Variants in LAPTM5 observed in about 807,000 individuals in gnomAD.
LAPTM5 encodes lysosomal-associated transmembrane protein 5.
In LAPTM5, 11 loss-of-function variants were observed where a neutral mutation model predicts 30.1. The observed-to-expected ratio is 0.37, with a 90% CI of 0.23 to 0.60. The LOEUF is 0.60. LAPTM5 is among the 20% of genes least tolerant of loss of function. LAPTM5 has a pLI of 0.71. For synonymous variants in LAPTM5, 151 were observed against 137.9 expected (o/e 1.10, Z -0.67); for missense variants, 324 against 332.5 (o/e 0.97, Z 0.20).
Position 30,739,752 on chromosome 1 carries a change from C to T in LAPTM5, c.387+57G>A. The T allele has an allele frequency of 6.6e-7, 1 of 1,512,804 alleles. No homozygotes were observed. The highest frequency in any genetic ancestry group is 1.3e-5 in the South Asian group (1 of 78,558). The allele number at this position is 1,512,804 out of a possible 1,614,324, so 93.7% of individuals were successfully genotyped here. A position where few individuals can be genotyped will look rare whatever the true frequency, so the allele number is the denominator to read the frequency against. On this transcript the variant is annotated intron_variant, in intron 4 of 7. Transcript: ENST00000294507. This position sits in a 1 kb window ranked among gnomAD's most constrained non-coding sequence, Gnocchi z 4.2. The stretch of plus-strand genomic sequence containing the variant: ...GGGCCCGTGTCTGGTCCCCTCCCAT[C>T]TCCCATGCCAGACCTGGGCTCTGCT...
chr1:30,757,642 G>A lies in LAPTM5; in HGVS notation c.87+17C>T, dbSNP rs532274952. 2.7e-5 allele frequency: 44 copies of A among 1,610,912 alleles called. No individual in the cohort carries two copies. Among genetic ancestry groups the A allele is most frequent in the South Asian group, 1.1e-4 (10 of 90,522 alleles). ...CACAAGCACGCACGCACACACACCC[G>A]GGGCCCGCACACTCACCACATGGTA... On this transcript the variant is annotated intron_variant, in intron 1 of 7. Coordinates refer to ENST00000294507, the MANE Select transcript of LAPTM5 (RefSeq NM_006762.3).
chr1:30,741,522 G>A (rs3748602), intron 3 of LAPTM5, 118 bp downstream of exon 3: 12 of 540,736 alleles, frequency 2.2e-5, no homozygotes, highest in East Asian at 7.1e-5. Context: ...TCTCCAGAAC[G>A]CAGGTGGGAC....
intron 1 of LAPTM5, among the ~76,000 whole-genome samples, chr1:30,753,038 TC>T (rs1270499922): frequency 4.6e-5 from 7 of 150,632 alleles, no homozygotes; most frequent in African/African-American, 1.2e-4. Context: ...CGCCTCAACC[TC>T]CCAAAATGCT....
At chr1:30,734,528 T>C (rs757926557) in intron 7 of LAPTM5, among the ~76,000 whole-genome samples, 1 of 152,238 alleles carries the variant, frequency 6.6e-6, no homozygotes, top group Non-Finnish European at 1.5e-5. Flanking sequence ...AAGCCAGACC[T>C]ACATTTGGCT....
intron 1 of LAPTM5, among the ~76,000 whole-genome samples, chr1:30,745,410 C>T (rs1640028049): frequency 6.6e-6 from 1 of 152,186 alleles, no homozygotes; most frequent in Admixed American, 6.5e-5. Context: ...AGAGGCGCCC[C>T]CATCCCCTCT....
chr1:30,750,619 C>A (rs565256971), intron 1 of LAPTM5, among the ~76,000 whole-genome samples: 1 of 152,206 alleles, frequency 6.6e-6, no homozygotes, highest in Non-Finnish European at 1.5e-5. Context: ...CAGAACAAGG[C>A]TCTGGGGATG....
At chr1:30,740,099 A>G (rs570639698) in intron 3 of LAPTM5, among the ~76,000 whole-genome samples, 162 bp from the exon 4 acceptor site, 27 of 152,064 alleles carry the variant, frequency 1.8e-4, no homozygotes, top group Non-Finnish European at 3.7e-4. Flanking sequence ...GGGGACAGGG[A>G]GTGGATAAGA....
chr1:30,744,186 G>A (rs1640012352), intron 1 of LAPTM5, among the ~76,000 whole-genome samples: 2 of 152,124 alleles, frequency 1.3e-5, no homozygotes, highest in Non-Finnish European at 2.9e-5. Context: ...CTGCTAAAGA[G>A]TGAGCTGGAA....
At chr1:30,743,116 C>CA in intron 1 of LAPTM5, among the ~76,000 whole-genome samples, 1 of 152,324 alleles carries the variant, frequency 6.6e-6, no homozygotes, top group Non-Finnish European at 1.5e-5. Flanking sequence ...CATGGCCCCT[C>CA]AGGGAACAAT....
intron 7 of LAPTM5, among the ~76,000 whole-genome samples, chr1:30,734,704 C>T (rs893196766): frequency 6.6e-6 from 1 of 152,240 alleles, no homozygotes; most frequent in Non-Finnish European, 1.5e-5. Flanking sequence ...CTAAGCACAC[C>T]TCATCCTCTC....
chr1:30,744,881 C>G (rs187814056), intron 1 of LAPTM5, among the ~76,000 whole-genome samples: 7 of 152,290 alleles, frequency 4.6e-5, no homozygotes, highest in Admixed American at 3.9e-4. Flanking sequence ...TTCTAAATTA[C>G]ACGCATGTGT....
At chr1:30,745,330 C>T (rs1193166416) in intron 1 of LAPTM5, among the ~76,000 whole-genome samples, 2 of 152,194 alleles carry the variant, frequency 1.3e-5, no homozygotes, top group African/African-American at 2.4e-5. Flanking sequence ...CCTCCGCTGC[C>T]CGGCATCTTC....
intron 2 of LAPTM5, 77 bp downstream of exon 2, chr1:30,742,379 A>G (rs1569860938): frequency 4.9e-6 from 5 of 1,030,004 alleles, no homozygotes; most frequent in East Asian, 2.5e-5. Flanking sequence ...TGCCTCCAAC[A>G]CTAGCCTGGC....
chr1:30,736,098 G>A (rs377540209), intron 6 of LAPTM5, among the ~76,000 whole-genome samples: 19 of 152,214 alleles, frequency 1.2e-4, no homozygotes, highest in African/African-American at 4.6e-4. Flanking sequence ...CTGCGGAGGG[G>A]TCCTGCAGTA....
rs1172567884 is a variant in LAPTM5 at position 30,739,623 on chromosome 1, T to C, written c.387+186A>G. Among the ~76,000 whole-genome samples, 1 of 152,166 alleles carries C rather than the reference T, an allele frequency of 6.6e-6. No homozygotes were observed. The highest frequency in any genetic ancestry group is 1.5e-5 in the Non-Finnish European group (1 of 68,038). On this transcript the variant is annotated intron_variant, in intron 4 of 7. Transcript: ENST00000294507. This position sits in a 1 kb window ranked among gnomAD's most constrained non-coding sequence, Gnocchi z 4.2. ...CAGGCTGATGAGATGTGATTGCAGG[T>C]ACATTCCACAGAGGAAGAAACTTGG...
intron 7 of LAPTM5, among the ~76,000 whole-genome samples, chr1:30,734,816 G>C (rs979096272): frequency 6.6e-6 from 1 of 152,190 alleles, no homozygotes; most frequent in Non-Finnish European, 1.5e-5. Context: ...CCTGATACCT[G>C]AGAAGAGGCC....
intron 1 of LAPTM5, among the ~76,000 whole-genome samples, chr1:30,755,886 G>A (rs1223075471): frequency 1.3e-5 from 2 of 152,194 alleles, no homozygotes; most frequent in Non-Finnish European, 2.9e-5. Flanking sequence ...GCAACAACAA[G>A]CAAAAACAGA....
Position 30,733,667 on chromosome 1 carries a change from G to C in LAPTM5, c.*161C>G. On this transcript the variant is annotated 3_prime_UTR_variant, in exon 8 of 8. Coordinates refer to ENST00000294507, the MANE Select transcript of LAPTM5 (RefSeq NM_006762.3). ...TTGACCCAGTTGTGAGCAGCTCACA[G>C]GCCCTGCAGGAGGAGCAGGCCAGCG... 1 of 1,534,104 alleles carries C rather than the reference G, an allele frequency of 6.5e-7. No individual in the cohort carries two copies. The highest frequency in any genetic ancestry group is 8.7e-7 in the Non-Finnish European group (1 of 1,146,282).
At chr1:30,752,666 T>G (rs1640153585) in intron 1 of LAPTM5, among the ~76,000 whole-genome samples, 1 of 152,300 alleles carries the variant, frequency 6.6e-6, no homozygotes, top group East Asian at 1.9e-4. Context: ...TCCTCGTCGG[T>G]TTTTCCTTGG....
Sources: gnomAD v4.1 joint callset for allele counts (sites outside exome capture counted in the v4.1 genomes callset) on GRCh38, gnomAD v4.1.1 for gene constraint, Gnocchi (gnomAD v3.1) non-coding constraint, MANE v1.5 for transcripts, NCBI Gene and HGNC (gene_info 2026-07-23, HGNC 2026-07-21) for gene names.